MKLN1: variants seen among roughly 807,000 people sequenced by gnomAD.
MKLN1 encodes muskelin 1.
In MKLN1, 18 loss-of-function variants were observed where a neutral mutation model predicts 99.0. The observed-to-expected ratio is 0.18, with a 90% CI of 0.13 to 0.27. The LOEUF (loss-of-function observed/expected upper bound fraction) is 0.27. MKLN1 is among the 10% of genes least tolerant of loss of function. The probability of loss-of-function intolerance (pLI) is 1.00; values close to 1 mark genes in which losing one functional copy is unlikely to be tolerated. For synonymous variants in MKLN1, 288 were observed against 293.2 expected, an observed-to-expected ratio of 0.98 and a Z score of 0.18; for missense variants, 621 against 875.9, an observed-to-expected ratio of 0.71 and a Z score of 3.67.
chr7:131,196,152 A>C (rs116665208), intron 2 of MKLN1, among the ~76,000 whole-genome samples: 2 of 152,130 alleles, frequency 1.3e-5, no homozygotes, highest in East Asian at 3.8e-4. Context: ...GCCTCTCCAC[A>C]TTCAGTTGTT....
chr7:131,416,545 G>A (rs1226935810), intron 8 of MKLN1, among the ~76,000 whole-genome samples: 1 of 149,870 alleles, frequency 6.7e-6, no homozygotes, highest in Non-Finnish European at 1.5e-5. Flanking sequence ...TTTTGAGATG[G>A]AGTCTTGCTC....
intron 8 of MKLN1, 88 bp from the exon 9 acceptor site, chr7:131,428,945 A>G: frequency 1.1e-6 from 1 of 909,618 alleles, no homozygotes; most frequent in Non-Finnish European, 1.7e-6. Context: ...GTAGCTTCTT[A>G]AGTGGCCTTA....
chr7:131,117,423 C>G (rs1160999781), intron 1 of MKLN1, among the ~76,000 whole-genome samples: 2 of 137,272 alleles, frequency 1.5e-5, no homozygotes, highest in Admixed American at 1.6e-4. Context: ...GACCGAGACT[C>G]CATCTCAGGA....
chr7:131,306,795 G>C (rs941323507), intron 3 of MKLN1, among the ~76,000 whole-genome samples: 2 of 152,184 alleles, frequency 1.3e-5, no homozygotes, highest in African/African-American at 4.8e-5. Context: ...TGGAAGAATA[G>C]AAAAACTCAT....
chr7:131,189,949 T>C (rs2116379969), intron 2 of MKLN1, among the ~76,000 whole-genome samples: 1 of 152,180 alleles, frequency 6.6e-6, no homozygotes, highest in South Asian at 2.1e-4. Flanking sequence ...CTTCCAAAAT[T>C]TGAGTGCAGA....
At position 131,202,561 on chromosome 7, in the gene MKLN1, C is replaced by T. The variant is rs576011590; in HGVS notation, c.-296-296C>T. 1.5e-4 allele frequency among the ~76,000 whole-genome samples: 23 copies of T among 152,244 alleles called. No homozygotes were observed. In the South Asian group the frequency reaches 4.4e-3, roughly 29 times the overall value. The stretch of plus-strand genomic sequence containing the variant: ...GCTCCCTGGCACTGACATTTTAGAC[C>T]AGATCATTCTTTGTTCTGGGGGACT... On this transcript the variant is annotated intron_variant, in intron 2 of 7. Coordinates refer to the MKLN1 transcript ENST00000416992.
At chr7:131,133,819 G>GTTTTTTTTTTT (rs1563226557) in intron 1 of MKLN1, among the ~76,000 whole-genome samples, 2 of 67,240 alleles carry the variant, frequency 3.0e-5, no homozygotes, top group East Asian at 3.4e-4. Context: ...TTTTTAATTT[G>GTTTTTTTTTTT]GTTTTTTTTT....
chr7:131,371,692 A>G (rs994484515), intron 1 of MKLN1, among the ~76,000 whole-genome samples: 6 of 151,904 alleles, frequency 3.9e-5, no homozygotes, highest in Non-Finnish European at 7.4e-5. Context: ...TGTTTCTCCT[A>G]TACTTTTCTT....
At chr7:131,483,037 A>T (rs961894821) in intron 17 of MKLN1, among the ~76,000 whole-genome samples, 1 of 152,142 alleles carries the variant, frequency 6.6e-6, no homozygotes. Context: ...TAAATATGCT[A>T]CCTCTCACTG....
chr7:131,236,459 G>C (rs1027076401), intron 3 of MKLN1, among the ~76,000 whole-genome samples: 18 of 152,172 alleles, frequency 1.2e-4, no homozygotes, highest in Admixed American at 7.9e-4. Flanking sequence ...TCAGGTGTTT[G>C]AGACCAACCT....
intron 1 of MKLN1, among the ~76,000 whole-genome samples, chr7:131,125,999 C>T (rs1795449935): frequency 8.2e-6 from 1 of 121,312 alleles, no homozygotes; most frequent in African/African-American, 2.8e-5. Context: ...GAGCGAGACT[C>T]CGTCTCAAAA....
chr7:131,165,767 C>A (rs141725713), intron 2 of MKLN1, among the ~76,000 whole-genome samples: 2 of 152,230 alleles, frequency 1.3e-5, no homozygotes, highest in East Asian at 3.9e-4. Context: ...GTTCTAGCGG[C>A]ACCGGGTGGT....
intron 3 of MKLN1, among the ~76,000 whole-genome samples, chr7:131,263,159 A>G (rs1797757820): frequency 6.6e-6 from 1 of 152,034 alleles, no homozygotes; most frequent in East Asian, 1.9e-4. Flanking sequence ...TTGTCCTGGT[A>G]TTGATGAGGC....
At chr7:131,130,224 A>G (rs1400619937) in intron 1 of MKLN1, among the ~76,000 whole-genome samples, 1 of 152,236 alleles carries the variant, frequency 6.6e-6, no homozygotes, top group Non-Finnish European at 1.5e-5. Context: ...TAGACATGCT[A>G]TGAGGAATTG....
intron 8 of MKLN1, 48 bp downstream of exon 8, chr7:131,414,758 A>T: frequency 9.9e-7 from 1 of 1,005,152 alleles, no homozygotes; most frequent in Non-Finnish European, 1.4e-6. Flanking sequence ...GGCTACAGGC[A>T]TCGTCTAAAC....
intron 12 of MKLN1, among the ~76,000 whole-genome samples, chr7:131,451,774 C>T (rs918031797): frequency 1.3e-5 from 2 of 152,148 alleles, no homozygotes; most frequent in Non-Finnish European, 1.5e-5. Context: ...AGACTGTGAA[C>T]ACAAGGGGTT....
intron 1 of MKLN1, among the ~76,000 whole-genome samples, chr7:131,345,153 G>T (rs1433187255): frequency 6.6e-6 from 1 of 152,134 alleles, no homozygotes. Flanking sequence ...GCGATTTTTG[G>T]CATGTAATTT....
intron 1 of MKLN1, among the ~76,000 whole-genome samples, chr7:131,133,828 TTTTTTTTTTTTTTTTTTTG>T (rs1795604306): frequency 1.9e-5 from 1 of 51,856 alleles, no homozygotes; most frequent in Non-Finnish European, 3.5e-5. Context: ...TGGTTTTTTT[TTTTTTTTTTTTTTTTTTTG>T]AGACGAAGTT....
chr7:131,329,855 A>G (rs1373811420), intron 1 of MKLN1, among the ~76,000 whole-genome samples: 2 of 152,166 alleles, frequency 1.3e-5, no homozygotes, highest in Non-Finnish European at 2.9e-5. Flanking sequence ...CATTGCTGCA[A>G]TTTTCTCAAG....
Sources: allele counts gnomAD v4.1 joint callset (sites outside exome capture counted in the v4.1 genomes callset), GRCh38; gene constraint gnomAD v4.1.1; transcripts MANE v1.5; gene names NCBI Gene and HGNC (gene_info 2026-07-23, HGNC 2026-07-21).